The following NUP205 variants were observed in gnomAD, a reference collection of about 807,000 sequenced individuals.
NUP205 encodes the protein nuclear pore complex protein Nup205.
In NUP205, 76 loss-of-function variants were observed where a neutral mutation model predicts 253.8. The ratio of observed to expected loss-of-function variants is 0.30; its 90% CI spans 0.25 to 0.36. The LOEUF (loss-of-function observed/expected upper bound fraction) is 0.36, where lower values mean the gene tolerates loss of function less well. NUP205 is among the 10% of genes least tolerant of loss of function. The probability of loss-of-function intolerance (pLI) is 1.00; values close to 1 mark genes in which losing one functional copy is unlikely to be tolerated. For missense variants in NUP205, 2,162 were observed against 2,425.5 expected (o/e 0.89, Z 2.28); for synonymous variants, 832 against 850.1 (o/e 0.98, Z 0.37).
At chr7:135,571,518 A>T (rs529573651) in intron 2 of NUP205, among the ~76,000 whole-genome samples, 1 of 151,828 alleles carries the variant, frequency 6.6e-6, no homozygotes, top group South Asian at 2.1e-4. Flanking sequence ...GGGATTACAG[A>T]CGTGAGCCAC....
chr7:135,568,929 T>C (rs1805863498), intron 1 of NUP205, among the ~76,000 whole-genome samples: 1 of 152,252 alleles, frequency 6.6e-6, no homozygotes, highest in Admixed American at 6.5e-5. Context: ...GAAATTATTT[T>C]ATTGTTTGTG....
At chr7:135,600,035 C>T (rs1215165024) in intron 15 of NUP205, among the ~76,000 whole-genome samples, 1 of 152,074 alleles carries the variant, frequency 6.6e-6, no homozygotes, top group Admixed American at 6.6e-5. Flanking sequence ...TTTATAGTCC[C>T]ATTTTCTAAC....
chr7:135,571,860 G>C (rs1273903200), intron 2 of NUP205, among the ~76,000 whole-genome samples: 1 of 152,132 alleles, frequency 6.6e-6, no homozygotes, highest in Non-Finnish European at 1.5e-5. Context: ...GTGATTCAAT[G>C]ATTTTCTTTT....
chr7:135,632,209 GA>G (rs1794728905), intron 35 of NUP205, among the ~76,000 whole-genome samples: 1 of 152,282 alleles, frequency 6.6e-6, no homozygotes, highest in East Asian at 1.9e-4. Flanking sequence ...TAATATAAAT[GA>G]TAGTAGCTGG....
intron 35 of NUP205, among the ~76,000 whole-genome samples, chr7:135,633,927 A>G (rs1201820231): frequency 6.6e-6 from 1 of 152,202 alleles, no homozygotes; most frequent in African/African-American, 2.4e-5. Flanking sequence ...GTATTATCCT[A>G]TAATTTGCTA....
At chr7:135,567,592 C>T (rs757598188) in intron 1 of NUP205, among the ~76,000 whole-genome samples, 2 of 151,516 alleles carry the variant, frequency 1.3e-5, no homozygotes, top group Non-Finnish European at 2.9e-5. Flanking sequence ...GCCTGGGTGA[C>T]AAAGTGAGAC....
Position 135,577,984 on chromosome 7 carries a change from T to G in NUP205, c.837T>G (p.Phe279Leu). ...LALLMALLYC[F>L]DISFIEQSTE... Reference sequence around the variant, plus strand: ...TTCTTATGGCGCTTCTATACTGTTTTGATATCAGTTTTATAGAGCAAAGCA... The same window carrying G: ...TTCTTATGGCGCTTCTATACTGTTTGGATATCAGTTTTATAGAGCAAAGCA... Residue 279 changes from phenylalanine (F) to leucine (L), a missense_variant, in exon 6 of 43, where the codon TTT (phenylalanine) becomes TTG (leucine). By Grantham distance (22) the Phe-to-Leu change is conservative. This residue lies in a region of NUP205 where 892 missense variants were observed against 957.1 expected (regional missense o/e 0.93). Coordinates refer to ENST00000285968, the MANE Select transcript of NUP205 (RefSeq NM_015135.3). The G allele has an allele frequency of 1.2e-6, 2 of 1,614,052 alleles. No individual in the cohort carries two copies. Among genetic ancestry groups the G allele is most frequent in the Non-Finnish European group, 1.7e-6 (2 of 1,179,930 alleles).
chr7:135,573,666 C>T lies in NUP205; in HGVS notation c.184C>T (p.Gln62Ter). Residue 62 changes from glutamine to a stop codon, truncating the protein, a stop_gained, in exon 3 of 43, where the codon CAA becomes TAA. Coordinates refer to ENST00000285968, the MANE Select transcript of NUP205 (RefSeq NM_015135.3). LOFTEE classifies it high-confidence loss of function. The part of the protein sequence containing the change: ...SLFKNPPKNV[Q>*]QHEKVQKAST... The stretch of plus-strand genomic sequence containing the variant: ...TTTATCATTGTAGCCAAAAAATGTT[C>T]AACAGCATGAGAAGGTTCAGAAAGC... 6.2e-7 allele frequency: 1 copy of T among 1,602,958 alleles called. No individual in the cohort carries two copies. Among genetic ancestry groups the T allele is most frequent in the Non-Finnish European group, 8.5e-7 (1 of 1,177,094 alleles).
chr7:135,621,197 T>C (rs1490875359), intron 30 of NUP205, among the ~76,000 whole-genome samples: 1 of 152,200 alleles, frequency 6.6e-6, no homozygotes, highest in Non-Finnish European at 1.5e-5. Context: ...CCCTATAAGG[T>C]AGTAATAGCC....
At chr7:135,641,376 A>G (rs1415139847) in intron 38 of NUP205, among the ~76,000 whole-genome samples, 1 of 152,240 alleles carries the variant, frequency 6.6e-6, no homozygotes, top group Non-Finnish European at 1.5e-5. Flanking sequence ...GCTGTAGACT[A>G]GAAGAGGATA....
intron 15 of NUP205, among the ~76,000 whole-genome samples, chr7:135,600,500 C>A (rs149907468): frequency 6.6e-6 from 1 of 152,112 alleles, no homozygotes; most frequent in Admixed American, 6.6e-5. Context: ...TCTTTGCAGG[C>A]AGGCTTGTTA....
chr7:135,570,079 A>AGG (rs1344463195), intron 1 of NUP205, among the ~76,000 whole-genome samples: 12 of 150,004 alleles, frequency 8.0e-5, no homozygotes, highest in Admixed American at 1.3e-4. Flanking sequence ...AGAGAGAGAG[A>AGG]GAGAGAGAGA....
intron 1 of NUP205, among the ~76,000 whole-genome samples, chr7:135,564,245 AT>A (rs35094813): frequency 0.28 from 34,088 of 123,934 alleles, 4,426 homozygotes; most frequent in East Asian, 0.45. Flanking sequence ...ATGCCCAGCT[AT>A]TTTTTTTTTT....
At chr7:135,595,827 A>G (rs1793819507) in intron 13 of NUP205, among the ~76,000 whole-genome samples, 2 of 152,350 alleles carry the variant, frequency 1.3e-5, no homozygotes, top group South Asian at 4.1e-4. Context: ...GATGCGCTTT[A>G]TAGACGTATC....
intron 7 of NUP205, among the ~76,000 whole-genome samples, chr7:135,580,397 T>C (rs1341976180): frequency 2.0e-5 from 3 of 152,200 alleles, no homozygotes; most frequent in African/African-American, 2.4e-5. Flanking sequence ...CATTTATAAG[T>C]CTTATTTCAC....
intron 8 of NUP205, among the ~76,000 whole-genome samples, chr7:135,587,280 C>T (rs975709999): frequency 1.3e-5 from 2 of 152,082 alleles, no homozygotes; most frequent in African/African-American, 4.8e-5. Context: ...GATAATCCAA[C>T]CCAGTGAAGA....
At chr7:135,639,427 C>T (rs1013361771) in intron 38 of NUP205, among the ~76,000 whole-genome samples, 12 of 152,094 alleles carry the variant, frequency 7.9e-5, no homozygotes, top group Non-Finnish European at 1.2e-4. Flanking sequence ...TGGTTGCTTA[C>T]GCCTGTAATC....
chr7:135,576,207 T>C, intron 3 of NUP205, 63 bp from the exon 4 acceptor site: 4 of 1,417,300 alleles, frequency 2.8e-6, no homozygotes, highest in Non-Finnish European at 4.0e-6. Context: ...TATATTGATT[T>C]TTGTCTCCTC....
chr7:135,593,158 C>CT lies in NUP205; in HGVS notation c.1802dup (p.Leu601PhefsTer12), dbSNP rs1806676843. On this transcript the variant is annotated frameshift_variant, in exon 12 of 43. Coordinates refer to ENST00000285968, the MANE Select transcript of NUP205 (RefSeq NM_015135.3). LOFTEE classifies it high-confidence loss of function. ...CAGAAGGAGCAAGATGGATTGATTG[C>CT]TTTTTTGCAGCTCACGTCTACCATC... 6.2e-7 allele frequency: 1 copy of CT among 1,613,954 alleles called. No individual in the cohort carries two copies. Among genetic ancestry groups the CT allele is most frequent in the African/African-American group, 1.3e-5 (1 of 74,894 alleles).
Sources: allele counts gnomAD v4.1 joint callset (sites outside exome capture counted in the v4.1 genomes callset), GRCh38; gene constraint gnomAD v4.1.1; regional missense constraint gnomAD v4.1.1; transcripts MANE v1.5; gene names NCBI Gene and HGNC (gene_info 2026-07-23, HGNC 2026-07-21).